The following ERP44 variants were observed in gnomAD, a reference collection of about 807,000 sequenced individuals.
ERP44 encodes endoplasmic reticulum protein 44.
A neutral mutation model predicts 53.4 loss-of-function variants in ERP44; 25 were observed. The observed-to-expected ratio is 0.47, with a 90% CI of 0.34 to 0.65. The LOEUF (loss-of-function observed/expected upper bound fraction) is 0.65, where lower values mean the gene tolerates loss of function less well. Ranked by LOEUF, ERP44 falls within the 30% of genes least tolerant of loss-of-function variation. The probability of loss-of-function intolerance (pLI) is 0.01; values close to 1 mark genes in which losing one functional copy is unlikely to be tolerated. For missense variants in ERP44, 338 were observed against 493.2 expected (o/e 0.69, Z 2.98); for synonymous variants, 145 against 161.2 (o/e 0.90, Z 0.76).
At chr9:100,008,137 A>T (rs1030135978) in intron 8 of ERP44, among the ~76,000 whole-genome samples, 1 of 152,138 alleles carries the variant, frequency 6.6e-6, no homozygotes, top group Non-Finnish European at 1.5e-5. Context: ...GATTTGCAAA[A>T]TTTTTTGTAT....
chr9:100,015,181 G>A (rs1830515552), intron 8 of ERP44, among the ~76,000 whole-genome samples: 1 of 152,194 alleles, frequency 6.6e-6, no homozygotes, highest in Non-Finnish European at 1.5e-5. Flanking sequence ...ACCACTCTAA[G>A]TAGTGATTAT....
chr9:100,096,373 A>C (rs1826628568), intron 1 of ERP44, among the ~76,000 whole-genome samples: 1 of 151,878 alleles, frequency 6.6e-6, no homozygotes. Flanking sequence ...ATATATGTAA[A>C]TAAAAATCTA....
At chr9:100,025,977 A>G (rs972388991) in intron 4 of ERP44, among the ~76,000 whole-genome samples, 4 of 152,258 alleles carry the variant, frequency 2.6e-5, no homozygotes, top group Non-Finnish European at 5.9e-5. Context: ...TTAAGATACC[A>G]GAAATCATGA....
At chr9:100,079,227 C>T (rs1430292120) in intron 1 of ERP44, among the ~76,000 whole-genome samples, 1 of 152,128 alleles carries the variant, frequency 6.6e-6, no homozygotes, top group Non-Finnish European at 1.5e-5. Flanking sequence ...TGTGAAAAAG[C>T]TAGACTGGTT....
At chr9:100,081,386 A>T (rs1019768059) in intron 1 of ERP44, among the ~76,000 whole-genome samples, 1 of 152,232 alleles carries the variant, frequency 6.6e-6, no homozygotes, top group African/African-American at 2.4e-5. Flanking sequence ...ACAGTGTAAT[A>T]GTTGTAAACA....
rs1406136000 is a variant in ERP44 at position 99,982,548 on chromosome 9, T to C, written c.*64A>G. The stretch of plus-strand genomic sequence containing the variant: ...CACATAGAATTATGAAAATATAGGT[T>C]TACTATTTCCACCACGTAGGTTGAT... On this transcript the variant is annotated 3_prime_UTR_variant, in exon 12 of 12. Transcript: ENST00000262455. 1.9e-5 allele frequency: 14 copies of C among 720,236 alleles called. No individual in the cohort carries two copies. The highest frequency in any genetic ancestry group is 5.5e-4 in the Middle Eastern group (2 of 3,642). The allele number at this position is 720,236 out of a possible 1,614,324, so 44.6% of individuals were successfully genotyped here. A position where few individuals can be genotyped will look rare whatever the true frequency, so the allele number is the denominator to read the frequency against.
intron 1 of ERP44, among the ~76,000 whole-genome samples, chr9:100,069,320 AAAAAAAG>A (rs1826273762): frequency 8.4e-6 from 1 of 118,988 alleles, no homozygotes; most frequent in African/African-American, 2.7e-5. Flanking sequence ...AAACCAACCA[AAAAAAAG>A]AAAAAAGAAA....
At chr9:100,039,932 C>G (rs767425449) in intron 4 of ERP44, among the ~76,000 whole-genome samples, 1 of 151,980 alleles carries the variant, frequency 6.6e-6, no homozygotes. Flanking sequence ...GAAACTGACA[C>G]ATTCCTAGAC....
intron 1 of ERP44, among the ~76,000 whole-genome samples, chr9:100,082,167 T>C (rs767177583): frequency 6.6e-5 from 10 of 152,058 alleles, no homozygotes. Context: ...TGTAGAAATA[T>C]ACACCACCTT....
intron 1 of ERP44, among the ~76,000 whole-genome samples, chr9:100,093,635 C>A (rs1048716629): frequency 2.6e-5 from 4 of 151,722 alleles, no homozygotes; most frequent in African/African-American, 9.7e-5. Flanking sequence ...ACAGCAAGAC[C>A]CTGTCTGTGG....
chr9:100,092,278 T>C (rs531449882), intron 1 of ERP44, among the ~76,000 whole-genome samples: 1 of 152,330 alleles, frequency 6.6e-6, no homozygotes, highest in South Asian at 2.1e-4. Context: ...AAAAGCATGC[T>C]AAGCATGCCC....
At chr9:100,080,107 A>G (rs571512104) in intron 1 of ERP44, among the ~76,000 whole-genome samples, 83 of 152,308 alleles carry the variant, frequency 5.4e-4, no homozygotes, top group Non-Finnish European at 1.0e-3. Flanking sequence ...GGTCAAAATC[A>G]TAGGTATTCA....
At chr9:100,009,972 A>G (rs372161267) in intron 8 of ERP44, among the ~76,000 whole-genome samples, 1 of 47,432 alleles carries the variant, frequency 2.1e-5, no homozygotes, top group African/African-American at 5.4e-5. Flanking sequence ...CATTTTATCA[A>G]TGGAAAATTC....
At chr9:100,084,062 G>T (rs1458742987) in intron 1 of ERP44, among the ~76,000 whole-genome samples, 2 of 152,162 alleles carry the variant, frequency 1.3e-5, no homozygotes, top group Non-Finnish European at 2.9e-5. Context: ...TAACAGGGAA[G>T]AATGAGGTAG....
intron 1 of ERP44, among the ~76,000 whole-genome samples, chr9:100,061,720 C>A (rs1826152474): frequency 6.6e-6 from 1 of 151,392 alleles, no homozygotes; most frequent in Non-Finnish European, 1.5e-5. Flanking sequence ...ACTATCATGT[C>A]TGTTAGCAAC....
chr9:100,044,096 A>T lies in ERP44; in HGVS notation c.286+8321T>A, dbSNP rs1358881788. On this transcript the variant is annotated intron_variant, in intron 4 of 11. Coordinates refer to ENST00000262455, the MANE Select transcript of ERP44 (RefSeq NM_015051.3). ...TTTGTACATAAAATTTTGCCTTACG[A>T]TCAATGATGAGTTAGACTGGGTATA... Among the ~76,000 whole-genome samples the T allele has an allele frequency of 3.3e-5, 5 of 152,316 alleles. No individual in the cohort carries two copies. The East Asian group carries it at 7.7e-4, about 23-fold the overall frequency.
At chr9:100,066,916 C>T (rs1470640048) in intron 1 of ERP44, among the ~76,000 whole-genome samples, 1 of 152,070 alleles carries the variant, frequency 6.6e-6, no homozygotes, top group Admixed American at 6.5e-5. Flanking sequence ...CCCAGAAGCA[C>T]TATAATGAAC....
At chr9:100,014,388 G>A (rs1830508218) in intron 8 of ERP44, among the ~76,000 whole-genome samples, 1 of 152,112 alleles carries the variant, frequency 6.6e-6, no homozygotes, top group Admixed American at 6.5e-5. Flanking sequence ...GGATTCAAGT[G>A]ATTCTCCTGC....
chr9:100,031,545 A>G (rs1364900495), intron 4 of ERP44, among the ~76,000 whole-genome samples: 6 of 151,406 alleles, frequency 4.0e-5, no homozygotes, highest in Non-Finnish European at 7.4e-5. Flanking sequence ...TCATTTGTTG[A>G]CTCCCTCCCT....
Sources: allele counts gnomAD v4.1 joint callset (sites outside exome capture counted in the v4.1 genomes callset), GRCh38; gene constraint gnomAD v4.1.1; transcripts MANE v1.5; gene names NCBI Gene and HGNC (gene_info 2026-07-23, HGNC 2026-07-21).